Variants in SPMIP4 observed in about 807,000 individuals in gnomAD.
SPMIP4 encodes sperm microtubule inner protein 4.
the SPMIP4 span, among the ~76,000 whole-genome samples, chr7:25,149,769 G>A: frequency 1.3e-5 from 2 of 152,262 alleles, no homozygotes; most frequent in South Asian, 2.1e-4. Context: ...GTATTTTCTA[G>A]TTTTGAATCT....
At chr7:25,145,743 A>G in the SPMIP4 span, among the ~76,000 whole-genome samples, 39 of 152,360 alleles carry the variant, frequency 2.6e-4, no homozygotes, top group Non-Finnish European at 5.0e-4. Flanking sequence ...TTACATTCCC[A>G]GCATAGCTCA....
chr7:25,175,284 A>C, the SPMIP4 span, among the ~76,000 whole-genome samples: 2 of 152,094 alleles, frequency 1.3e-5, no homozygotes, highest in African/African-American at 4.8e-5. Context: ...TTTGAGAAAG[A>C]GTCTCGCTCT....
chr7:25,134,853 T>G, the SPMIP4 span: 45 of 985,396 alleles, frequency 4.6e-5, no homozygotes, highest in East Asian at 1.2e-3. Flanking sequence ...GACCAAGGCA[T>G]GCAACTGACA....
the SPMIP4 span, among the ~76,000 whole-genome samples, chr7:25,140,833 CG>C: frequency 3.9e-5 from 6 of 152,136 alleles, no homozygotes; most frequent in Non-Finnish European, 4.4e-5. Context: ...GCGATCCACC[CG>C]CCTCAGCCTC....
At chr7:25,154,454 G>A in the SPMIP4 span, among the ~76,000 whole-genome samples, 1 of 152,232 alleles carries the variant, frequency 6.6e-6, no homozygotes, top group Non-Finnish European at 1.5e-5. Context: ...TCGATGACTA[G>A]TGTACGGGAT....
chr7:25,158,671 G>A, the SPMIP4 span: 4 of 633,752 alleles, frequency 6.3e-6, no homozygotes, highest in African/African-American at 1.9e-5. Context: ...AGGCCAAGGT[G>A]GGCGGATCGC....
chr7:25,172,938 G>A, the SPMIP4 span, among the ~76,000 whole-genome samples: 173 of 140,304 alleles, frequency 1.2e-3, 5 homozygotes, highest in South Asian at 0.039. This position sits in a 1 kb window ranked among gnomAD's most constrained non-coding sequence, Gnocchi z 4.2. Flanking sequence ...TATACCCTGA[G>A]AACAGTAGGA....
At chr7:25,149,080 AGG>A in the SPMIP4 span, among the ~76,000 whole-genome samples, 1 of 152,232 alleles carries the variant, frequency 6.6e-6, no homozygotes, top group African/African-American at 2.4e-5. Flanking sequence ...GCACAAGAGT[AGG>A]TTACAGTCTG....
At chr7:25,131,480 A>G in the SPMIP4 span, among the ~76,000 whole-genome samples, 7 of 152,220 alleles carry the variant, frequency 4.6e-5, no homozygotes, top group African/African-American at 1.4e-4. The surrounding 1 kb of genome is among the most constrained non-coding windows in gnomAD (Gnocchi z 4.2). Flanking sequence ...GTTAGAGGAC[A>G]TGGAGCTGGA....
the SPMIP4 span, among the ~76,000 whole-genome samples, chr7:25,158,335 C>T: frequency 1.4e-5 from 2 of 147,554 alleles, no homozygotes; most frequent in Non-Finnish European, 3.0e-5. Context: ...CACTACTGTA[C>T]TCCAGCCTGG....
chr7:25,163,155 AG>A, the SPMIP4 span, among the ~76,000 whole-genome samples: 1 of 152,238 alleles, frequency 6.6e-6, no homozygotes, highest in Non-Finnish European at 1.5e-5. The surrounding 1 kb of genome is among the most constrained non-coding windows in gnomAD (Gnocchi z 4.4). Flanking sequence ...AGACACAGAG[AG>A]AAAAGAATAC....
the SPMIP4 span, chr7:25,168,483 C>T: frequency 6.4e-7 from 1 of 1,561,142 alleles, no homozygotes; most frequent in Non-Finnish European, 8.6e-7. Flanking sequence ...AAAAGAGAGA[C>T]TTCAAAGAGC....
At chr7:25,171,473 AG>A in the SPMIP4 span, among the ~76,000 whole-genome samples, 1 of 152,194 alleles carries the variant, frequency 6.6e-6, no homozygotes, top group Admixed American at 6.5e-5. Flanking sequence ...ATCTGGCAAA[AG>A]TTCTGCTTCC....
At chr7:25,129,770 G>A in the SPMIP4 span, among the ~76,000 whole-genome samples, 1 of 152,064 alleles carries the variant, frequency 6.6e-6, no homozygotes, top group African/African-American at 2.4e-5. Flanking sequence ...CTCTGGAAGT[G>A]CTGTAACAGC....
the SPMIP4 span, among the ~76,000 whole-genome samples, chr7:25,145,677 T>C: frequency 6.6e-6 from 1 of 152,246 alleles, no homozygotes; most frequent in Non-Finnish European, 1.5e-5. Flanking sequence ...GAAGTGACAT[T>C]AGTTGTTTTG....
the SPMIP4 span, among the ~76,000 whole-genome samples, chr7:25,162,538 A>C: frequency 6.7e-3 from 1,023 of 152,190 alleles, 14 homozygotes; most frequent in African/African-American, 0.023. Flanking sequence ...GGATAAGAAA[A>C]GTACTCAACC....
At chr7:25,162,755 G>A in the SPMIP4 span, among the ~76,000 whole-genome samples, 1 of 134,642 alleles carries the variant, frequency 7.4e-6, no homozygotes, top group South Asian at 2.1e-4. Context: ...CTTAGGATTT[G>A]GCATTTATTT....
At chr7:25,171,001 C>T in the SPMIP4 span, among the ~76,000 whole-genome samples, 2 of 152,180 alleles carry the variant, frequency 1.3e-5, no homozygotes, top group Non-Finnish European at 2.9e-5. Context: ...GCTCAGGATC[C>T]ATCTCAAAAC....
chr7:25,176,145 C>T, the SPMIP4 span, among the ~76,000 whole-genome samples: 3 of 152,224 alleles, frequency 2.0e-5, no homozygotes, highest in African/African-American at 4.8e-5. The surrounding 1 kb of genome is among the most constrained non-coding windows in gnomAD (Gnocchi z 4.4). Flanking sequence ...TAACAAAAAA[C>T]GTGCTTCTCT....
Sources: allele counts gnomAD v4.1 joint callset (sites outside exome capture counted in the v4.1 genomes callset), GRCh38; gene constraint gnomAD v4.1.1; non-coding constraint Gnocchi (gnomAD v3.1); transcripts MANE v1.5; gene names NCBI Gene and HGNC (gene_info 2026-07-23, HGNC 2026-07-21).